The following JPH2 variants were observed in gnomAD, a reference collection of about 807,000 sequenced individuals.
JPH2 encodes junctophilin-2.
A neutral mutation model predicts 55.9 loss-of-function variants in JPH2; 38 were observed. The observed-to-expected ratio is 0.68, with a 90% CI of 0.52 to 0.89. The LOEUF (loss-of-function observed/expected upper bound fraction) is 0.89. Among genes scored for constraint, JPH2 ranks in the 40% least tolerant of loss-of-function variants. The pLI is 0.00. For synonymous variants in JPH2, 480 were observed against 472.4 expected (o/e 1.02, Z -0.21); for missense variants, 964 against 1,037.6 (o/e 0.93, Z 0.97).
chr20:44,169,336 C>G (rs1460157645), intron 1 of JPH2, among the ~76,000 whole-genome samples: 5 of 152,150 alleles, frequency 3.3e-5, no homozygotes, highest in Admixed American at 3.3e-4. Flanking sequence ...GCCACCATGC[C>G]CAGCTAATTT....
intron 1 of JPH2, among the ~76,000 whole-genome samples, chr20:44,167,142 T>A (rs1235242261): frequency 6.6e-6 from 1 of 152,224 alleles, no homozygotes; most frequent in African/African-American, 2.4e-5. Context: ...CCCCATTCCC[T>A]GAGTGCTGCT....
chr20:44,117,017 A>C (rs1477240345), intron 3 of JPH2, among the ~76,000 whole-genome samples: 1 of 152,250 alleles, frequency 6.6e-6, no homozygotes, highest in Admixed American at 6.5e-5. Context: ...GCGGTGGCTC[A>C]CGCCTGTAAT....
At chr20:44,153,288 T>C (rs1490329002) in intron 2 of JPH2, among the ~76,000 whole-genome samples, 1 of 152,186 alleles carries the variant, frequency 6.6e-6, no homozygotes, top group African/African-American at 2.4e-5. Flanking sequence ...CAGCATTACT[T>C]TCAGGGAGGA....
In JPH2 at chr20:44,180,529, G is replaced by C. The variant is rs563495773; in HGVS notation, c.379+5798C>G. Among the ~76,000 whole-genome samples the C allele has an allele frequency of 5.3e-5, 8 of 152,122 alleles. No homozygotes were observed. In the South Asian group the frequency reaches 1.7e-3, roughly 32 times the overall value. On this transcript the variant is annotated intron_variant, in intron 1 of 5. Transcript: ENST00000372980. ...GTATTTTTCTTTTTTGTAGAGATGGGGTTTCACCATGTTGCCCAGGCTGGT... is the reference window on the plus strand; with the variant it reads ...GTATTTTTCTTTTTTGTAGAGATGGCGTTTCACCATGTTGCCCAGGCTGGT...
At chr20:44,142,493 C>T (rs938896726) in intron 2 of JPH2, among the ~76,000 whole-genome samples, 1 of 152,134 alleles carries the variant, frequency 6.6e-6, no homozygotes, top group Admixed American at 6.5e-5. Context: ...CAAGCACATG[C>T]CCACCTCAGA....
intron 2 of JPH2, among the ~76,000 whole-genome samples, chr20:44,120,649 C>T (rs2072228564): frequency 6.6e-6 from 1 of 152,118 alleles, no homozygotes; most frequent in Non-Finnish European, 1.5e-5. Flanking sequence ...GCAGTGGTGT[C>T]CAATCTTTTG....
At chr20:44,144,675 G>A (rs780958771) in intron 2 of JPH2, among the ~76,000 whole-genome samples, 1 of 152,224 alleles carries the variant, frequency 6.6e-6, no homozygotes, top group Non-Finnish European at 1.5e-5. Context: ...AGATGGTGGA[G>A]TCTGGCTCAG....
chr20:44,182,904 A>G (rs964465553), intron 1 of JPH2, among the ~76,000 whole-genome samples: 4 of 152,202 alleles, frequency 2.6e-5, no homozygotes, highest in Non-Finnish European at 2.9e-5. Context: ...TGAATGAATG[A>G]ATGAATGAAT....
At chr20:44,179,364 T>A (rs1278108871) in intron 1 of JPH2, among the ~76,000 whole-genome samples, 3 of 152,174 alleles carry the variant, frequency 2.0e-5, no homozygotes, top group Non-Finnish European at 4.4e-5. Context: ...AGGGAAGGAA[T>A]AAAACACATA....
intron 2 of JPH2, among the ~76,000 whole-genome samples, chr20:44,131,205 C>T (rs1176832922): frequency 1.3e-5 from 2 of 152,300 alleles, no homozygotes; most frequent in Middle Eastern, 3.4e-3. Flanking sequence ...TCTCTTGCCA[C>T]CAGAGTCTCT....
chr20:44,158,716 G>A (rs1482923784), intron 2 of JPH2, among the ~76,000 whole-genome samples: 1 of 152,202 alleles, frequency 6.6e-6, no homozygotes, highest in Non-Finnish European at 1.5e-5. Flanking sequence ...AGGTGGGGGA[G>A]GTTGAATGAA....
intron 2 of JPH2, among the ~76,000 whole-genome samples, chr20:44,136,213 C>T (rs1442201903): frequency 6.6e-6 from 1 of 152,182 alleles, no homozygotes; most frequent in Non-Finnish European, 1.5e-5. Context: ...CCCTTCCAGC[C>T]TCATGCTTGG....
chr20:44,142,130 G>C (rs951006336), intron 2 of JPH2, among the ~76,000 whole-genome samples: 1 of 152,116 alleles, frequency 6.6e-6, no homozygotes, highest in African/African-American at 2.4e-5. Context: ...AAGGCCCCCA[G>C]GATGTGTGCC....
intron 1 of JPH2, among the ~76,000 whole-genome samples, chr20:44,164,090 G>A (rs2072636548): frequency 6.6e-6 from 1 of 152,254 alleles, no homozygotes; most frequent in Non-Finnish European, 1.5e-5. Flanking sequence ...GTCACACAGT[G>A]AGAAAGGAGC....
intron 1 of JPH2, among the ~76,000 whole-genome samples, chr20:44,180,247 T>C (rs1299418315): frequency 1.3e-5 from 2 of 152,130 alleles, no homozygotes; most frequent in Non-Finnish European, 2.9e-5. Context: ...TAACATAACA[T>C]ACCTCAAGTA....
chr20:44,124,308 C>A (rs1193268074), intron 2 of JPH2, among the ~76,000 whole-genome samples: 1 of 152,082 alleles, frequency 6.6e-6, no homozygotes, highest in Admixed American at 6.5e-5. Context: ...GGGACCCTCA[C>A]CGGACTTGCC....
intron 2 of JPH2, among the ~76,000 whole-genome samples, chr20:44,158,842 G>A (rs1305966109): frequency 6.6e-6 from 1 of 152,144 alleles, no homozygotes; most frequent in Admixed American, 6.5e-5. Context: ...ATAAATGGAA[G>A]TACTTGAGTG....
At chr20:44,152,677 C>G (rs1433616088) in intron 2 of JPH2, among the ~76,000 whole-genome samples, 3 of 152,222 alleles carry the variant, frequency 2.0e-5, no homozygotes, top group African/African-American at 4.8e-5. Context: ...GTGTCAGGCC[C>G]TCTTCCCTCT....
rs1332270640 is a variant in JPH2, at chr20:44,110,430, T to G, written c.*3088A>C. Among the ~76,000 whole-genome samples the G allele has an allele frequency of 2.8e-5, 1 of 35,102 alleles. No homozygotes were observed. The highest frequency in any genetic ancestry group is 3.4e-4 in the African/African-American group (1 of 2,904). 23.0% of individuals were successfully genotyped at this position (35,102 alleles called of 152,430 possible). The stretch of plus-strand genomic sequence containing the variant: ...TCCAGAGTTTTGAAAACTTTTGTGT[T>G]TTTTTTTTTTTCCAGATGGAGTCTT... On this transcript the variant is annotated 3_prime_UTR_variant, in exon 6 of 6. Transcript: ENST00000372980.
Sources: gnomAD v4.1 joint callset for allele counts (sites outside exome capture counted in the v4.1 genomes callset) on GRCh38, gnomAD v4.1.1 for gene constraint, MANE v1.5 for transcripts, NCBI Gene and HGNC (gene_info 2026-07-23, HGNC 2026-07-21) for gene names.